SMC5: variants seen among roughly 807,000 people sequenced by gnomAD.
SMC5 encodes structural maintenance of chromosomes 5, also known as structural maintenance of chromosomes protein 5.
A neutral mutation model predicts 148.3 loss-of-function variants in SMC5; 88 were observed. That is an observed-to-expected ratio of 0.59 (90% CI 0.50 to 0.71). The LOEUF is 0.71. Ranked by LOEUF, SMC5 falls within the 30% of genes least tolerant of loss-of-function variation. SMC5 has a pLI of 0.00. For synonymous variants in SMC5, 421 were observed against 432.8 expected (o/e 0.97, Z 0.34); for missense variants, 1,142 against 1,298.9 (o/e 0.88, Z 1.86).
chr9:70,294,047 T>C (rs1403260138), intron 8 of SMC5, among the ~76,000 whole-genome samples: 3 of 152,114 alleles, frequency 2.0e-5, no homozygotes, highest in Admixed American at 6.5e-5. Flanking sequence ...GGTAGCTACA[T>C]GGAGTCTCCT....
intron 17 of SMC5, among the ~76,000 whole-genome samples, chr9:70,329,162 ATT>A (rs146333792): frequency 1.3e-3 from 193 of 152,150 alleles, no homozygotes; most frequent in African/African-American, 4.5e-3. Context: ...CATTTTCCCC[ATT>A]GTCTTGGCTG....
At chr9:70,297,270 C>G (rs1006911980) in intron 8 of SMC5, among the ~76,000 whole-genome samples, 1 of 152,158 alleles carries the variant, frequency 6.6e-6, no homozygotes, top group Non-Finnish European at 1.5e-5. Flanking sequence ...GTTGAACCAT[C>G]AGGAAATAAA....
chr9:70,313,189 ATTATC>A (rs2118553065), intron 11 of SMC5, among the ~76,000 whole-genome samples: 1 of 152,188 alleles, frequency 6.6e-6, no homozygotes, highest in African/African-American at 2.4e-5. Flanking sequence ...TTTTTGTGAT[ATTATC>A]TTTTTAATGT....
chr9:70,307,533 C>T (rs1256385370), intron 11 of SMC5, among the ~76,000 whole-genome samples: 2 of 150,932 alleles, frequency 1.3e-5, no homozygotes, highest in African/African-American at 4.9e-5. Flanking sequence ...GAGTTTTGCT[C>T]TTGTTGTTGC....
chr9:70,315,714 G>T, intron 13 of SMC5, 136 bp downstream of exon 13: 1 of 608,886 alleles, frequency 1.6e-6, no homozygotes, highest in Admixed American at 3.9e-5. Context: ...AATTATATTT[G>T]TATTAATTAT....
chr9:70,272,772 C>G (rs536111197), intron 3 of SMC5, among the ~76,000 whole-genome samples: 8 of 152,144 alleles, frequency 5.3e-5, no homozygotes, highest in African/African-American at 1.9e-4. Context: ...ATAGGGAAAA[C>G]TAGGAAAGGA....
At chr9:70,288,507 G>T (rs992101255) in intron 8 of SMC5, among the ~76,000 whole-genome samples, 17 of 151,478 alleles carry the variant, frequency 1.1e-4, no homozygotes, top group Admixed American at 6.6e-5. Flanking sequence ...TCATTTTTCT[G>T]CTTTGAGTAT....
At chr9:70,328,854 A>G (rs763285113) in intron 17 of SMC5, among the ~76,000 whole-genome samples, 1 of 152,154 alleles carries the variant, frequency 6.6e-6, no homozygotes, top group Non-Finnish European at 1.5e-5. Flanking sequence ...AGGCATTTCC[A>G]TACATCCTTT....
intron 17 of SMC5, among the ~76,000 whole-genome samples, chr9:70,327,496 A>G (rs554384300): frequency 6.6e-6 from 1 of 152,206 alleles, no homozygotes; most frequent in Non-Finnish European, 1.5e-5. Flanking sequence ...AAATATGTCT[A>G]AATGCACAAG....
intron 11 of SMC5, among the ~76,000 whole-genome samples, chr9:70,310,506 C>T (rs1341398447): frequency 1.3e-5 from 2 of 152,170 alleles, no homozygotes; most frequent in Non-Finnish European, 2.9e-5. Context: ...TGTTGTTCAA[C>T]TTACAGAGCA....
intron 10 of SMC5, among the ~76,000 whole-genome samples, chr9:70,302,468 G>GACAGA (rs2035383420): frequency 6.6e-6 from 1 of 151,344 alleles, no homozygotes; most frequent in Non-Finnish European, 1.5e-5. Context: ...AATCCAGCCT[G>GACAGA]GCGACAGAGC....
chr9:70,274,230 C>T (rs1351636949), intron 3 of SMC5, among the ~76,000 whole-genome samples: 2 of 152,076 alleles, frequency 1.3e-5, no homozygotes, highest in African/African-American at 2.4e-5. Flanking sequence ...TACAGGCGCC[C>T]GACACTACGC....
chr9:70,350,131 T>C lies in SMC5; in HGVS notation c.2907T>C (p.Tyr969=), dbSNP rs749728900. The C allele has an allele frequency of 3.1e-6, 5 of 1,605,606 alleles. No individual in the cohort carries two copies. The highest frequency in any genetic ancestry group is 1.7e-4 in the Middle Eastern group (1 of 5,802). ...TTTTATAGGAAGATTATGATAAATATGGAATTCGAATTAGAGTCAAATTTC... is the reference window on the plus strand; with the variant it reads ...TTTTATAGGAAGATTATGATAAATACGGAATTCGAATTAGAGTCAAATTTC... ...HTENEEDYDK[Y]GIRIRVKFRS... The change falls in exon 23 of 25, where the codon TAT becomes TAC. Residue 969 remains tyrosine, a synonymous_variant. Coordinates refer to ENST00000361138, the MANE Select transcript of SMC5 (RefSeq NM_015110.4).
At chr9:70,260,890 G>A (rs1458526697) in intron 1 of SMC5, among the ~76,000 whole-genome samples, 1 of 152,070 alleles carries the variant, frequency 6.6e-6, no homozygotes, top group Non-Finnish European at 1.5e-5. Flanking sequence ...CTATAGGCGC[G>A]TACCATACCT....
chr9:70,275,694 T>A (rs760568445), intron 3 of SMC5, among the ~76,000 whole-genome samples: 21 of 152,192 alleles, frequency 1.4e-4, no homozygotes, highest in Non-Finnish European at 1.5e-5. Context: ...TGAAGATGCT[T>A]ATAAACTCAT....
chr9:70,336,888 AAG>A (rs1327534720), intron 17 of SMC5, among the ~76,000 whole-genome samples: 3 of 152,200 alleles, frequency 2.0e-5, no homozygotes, highest in African/African-American at 7.2e-5. Flanking sequence ...TTACAAAAGA[AAG>A]AGGTTTAATG....
rs1474637133 is a variant in SMC5 at position 70,323,549 on chromosome 9, C to T, written c.2217C>T (p.Ile739=). ...AAGAGCGAAAAGCAAGTACCAAAAT[C>T]AAAGAAATAAATGTTCAAAAAGCGA... is the stretch of plus-strand genomic sequence containing the variant. ...EEEERKASTK[I]KEINVQKAKL... Residue 739 remains isoleucine, a synonymous_variant, in exon 16 of 25, where the codon ATC becomes ATT. Coordinates refer to ENST00000361138, the MANE Select transcript of SMC5 (RefSeq NM_015110.4). The T allele has an allele frequency of 6.2e-7, 1 of 1,611,892 alleles. No individual in the cohort carries two copies. The highest frequency in any genetic ancestry group is 1.7e-5 in the Admixed American group (1 of 59,858).
intron 17 of SMC5, among the ~76,000 whole-genome samples, chr9:70,324,637 T>C (rs182942297): frequency 2.0e-5 from 3 of 152,232 alleles, no homozygotes; most frequent in Admixed American, 1.3e-4. Context: ...CTGTATACCA[T>C]AGGGGCTCGG....
rs1301271426 is a variant in SMC5, at chr9:70,318,687, G to C, written c.1980G>C (p.Lys660Asn). 1.3e-6 allele frequency: 2 copies of C among 1,586,076 alleles called. No individual in the cohort carries two copies. The highest frequency in any genetic ancestry group is 1.7e-6 in the Non-Finnish European group (2 of 1,169,984). Residue 660 changes from lysine to asparagine, a missense_variant and splice_region_variant, in exon 14 of 25, where the codon AAG (lysine) becomes AAC (asparagine). Lys to Asn is a moderately conservative substitution (Grantham distance 94). Transcript: ENST00000361138. ...GAAGACACTTAGAAGAACAGCTAAA[G>C]GTTGGTTAATTTGATCTGAATGTTA... ...EQRRHLEEQL[K>N]EIHRKLQAVD...
Sources: gnomAD v4.1 joint callset for allele counts (sites outside exome capture counted in the v4.1 genomes callset) on GRCh38, gnomAD v4.1.1 for gene constraint, MANE v1.5 for transcripts, NCBI Gene and HGNC (gene_info 2026-07-23, HGNC 2026-07-21) for gene names.